CNTNAP2: variants seen among roughly 807,000 people sequenced by gnomAD.
CNTNAP2 encodes contactin associated protein 2, also known as contactin-associated protein-like 2.
CNTNAP2 carries 98 observed loss-of-function variants against 155.2 expected under a neutral mutation model. The observed-to-expected ratio is 0.63, with a 90% confidence interval of 0.54 to 0.75. The LOEUF is 0.75. Ranked by LOEUF, CNTNAP2 falls within the 30% of genes least tolerant of loss-of-function variation. The pLI, the probability that CNTNAP2 is intolerant of heterozygous loss-of-function variation, is 0.00. For synonymous variants in CNTNAP2, 651 were observed against 631.2 expected (o/e 1.03, Z -0.47); for missense variants, 1,727 against 1,688.1 (o/e 1.02, Z -0.40).
chr7:147,885,129 A>G (rs1367952858), intron 13 of CNTNAP2, among the ~76,000 whole-genome samples: 1 of 152,242 alleles, frequency 6.6e-6, no homozygotes, highest in Non-Finnish European at 1.5e-5. Flanking sequence ...TTACTTTTGC[A>G]CTGACCTAAT....
intron 22 of CNTNAP2, among the ~76,000 whole-genome samples, chr7:148,404,758 AG>A (rs1799659850): frequency 6.6e-6 from 1 of 152,116 alleles, no homozygotes; most frequent in Non-Finnish European, 1.5e-5. Context: ...CAGGTCACAC[AG>A]TTTTATTGAG....
At chr7:148,407,252 T>G (rs1304874284) in intron 22 of CNTNAP2, among the ~76,000 whole-genome samples, 1 of 152,252 alleles carries the variant, frequency 6.6e-6, no homozygotes, top group Non-Finnish European at 1.5e-5. Flanking sequence ...ATCTTTGCAT[T>G]CTTGGGCTGA....
At chr7:146,959,309 T>C (rs1006693630) in intron 3 of CNTNAP2, among the ~76,000 whole-genome samples, 1 of 152,166 alleles carries the variant, frequency 6.6e-6, no homozygotes, top group Middle Eastern at 3.2e-3. Context: ...CCTAGGATCA[T>C]GACTTTTATA....
intron 2 of CNTNAP2, among the ~76,000 whole-genome samples, chr7:146,805,992 C>T (rs1802960536): frequency 6.6e-6 from 1 of 152,024 alleles, no homozygotes. Flanking sequence ...ATTGTCGACA[C>T]AAGATAGGTC....
chr7:148,304,568 A>G (rs1452397892), intron 21 of CNTNAP2, among the ~76,000 whole-genome samples: 1 of 152,176 alleles, frequency 6.6e-6, no homozygotes, highest in Non-Finnish European at 1.5e-5. Context: ...GCAGTTACTC[A>G]CCTCTGCTGT....
intron 1 of CNTNAP2, among the ~76,000 whole-genome samples, chr7:146,636,157 G>A (rs1381449354): frequency 1.3e-5 from 2 of 151,642 alleles, no homozygotes; most frequent in African/African-American, 4.9e-5. Flanking sequence ...GGGGAGAGGT[G>A]GACTACAGCG....
At position 148,418,087 on chromosome 7, in the gene CNTNAP2, G is replaced by A. The variant is rs1250343318; in HGVS notation, c.*2471G>A. 1 of 152,164 alleles carries A rather than the reference G, an allele frequency of 6.6e-6. No homozygotes were observed. The allele number at this position is 152,164 out of a possible 1,614,324, so 9.4% of individuals were successfully genotyped here. The stretch of plus-strand genomic sequence containing the variant: ...GACAGGAAACCAAACGGTGGATAAA[G>A]TATTAAGTAACTAAGTGCCAAATAA... On this transcript the variant is annotated 3_prime_UTR_variant, in exon 24 of 24. Transcript: ENST00000361727.
intron 16 of CNTNAP2, among the ~76,000 whole-genome samples, chr7:148,131,003 G>T (rs1197482528): frequency 6.6e-6 from 1 of 150,718 alleles, no homozygotes; most frequent in Non-Finnish European, 1.5e-5. Flanking sequence ...AAGACATACT[G>T]AAGTTTCATT....
chr7:148,392,911 CT>C (rs1252082641), intron 22 of CNTNAP2, among the ~76,000 whole-genome samples: 7 of 2,522 alleles, frequency 2.8e-3, no homozygotes, highest in African/African-American at 3.1e-3. Flanking sequence ...CAGCACTGAG[CT>C]AGGAACTCAC....
Position 147,236,803 on chromosome 7 carries a change from C to T in CNTNAP2, c.1349-63338C>T, listed in dbSNP as rs1437616714. ...ATCTCCCACATCCAATTACTCAATTCATCCAACTCCACTTCCTAAAATCCT... is the reference window on the plus strand; with the variant it reads ...ATCTCCCACATCCAATTACTCAATTTATCCAACTCCACTTCCTAAAATCCT... On this transcript the variant is annotated intron_variant, in intron 8 of 23. Coordinates refer to ENST00000361727, the MANE Select transcript of CNTNAP2 (RefSeq NM_014141.6). Among the ~76,000 whole-genome samples, 8 of 152,006 alleles carry T rather than the reference C, an allele frequency of 5.3e-5. No homozygotes were observed. The East Asian group carries it at 1.5e-3, about 29-fold the overall frequency.
At chr7:147,494,255 CA>C (rs1798656322) in intron 11 of CNTNAP2, among the ~76,000 whole-genome samples, 1 of 152,026 alleles carries the variant, frequency 6.6e-6, no homozygotes, top group Non-Finnish European at 1.5e-5. Context: ...TGGCCACAAC[CA>C]AATAAATTAC....
chr7:148,308,883 A>G (rs868430032), intron 21 of CNTNAP2, among the ~76,000 whole-genome samples: 2 of 152,222 alleles, frequency 1.3e-5, no homozygotes, highest in Non-Finnish European at 1.5e-5. Context: ...AGCTTCATCC[A>G]AGTCCCTGCA....
At chr7:147,477,901 A>G (rs746627725) in intron 10 of CNTNAP2, among the ~76,000 whole-genome samples, 1 of 152,216 alleles carries the variant, frequency 6.6e-6, no homozygotes, top group African/African-American at 2.4e-5. Context: ...ATTCTCCAAG[A>G]AAATCCCTAA....
chr7:146,308,985 T>C (rs184249042), intron 1 of CNTNAP2, among the ~76,000 whole-genome samples: 310 of 152,040 alleles, frequency 2.0e-3, no homozygotes, highest in Middle Eastern at 3.4e-3. Flanking sequence ...ATAATAATAA[T>C]AAAGAAAGAA....
At chr7:148,286,562 TACTC>T (rs376292959) in intron 21 of CNTNAP2, among the ~76,000 whole-genome samples, 5 of 152,130 alleles carry the variant, frequency 3.3e-5, no homozygotes, top group African/African-American at 1.2e-4. Context: ...TAGATTTTCT[TACTC>T]TAAGTTATAG....
intron 13 of CNTNAP2, among the ~76,000 whole-genome samples, chr7:147,756,546 G>A (rs1455058626): frequency 6.6e-6 from 1 of 151,994 alleles, no homozygotes; most frequent in Non-Finnish European, 1.5e-5. Context: ...GTTAATCATG[G>A]TCTAAGGACA....
chr7:147,517,894 C>T (rs1030865675), intron 11 of CNTNAP2, among the ~76,000 whole-genome samples: 7 of 152,266 alleles, frequency 4.6e-5, no homozygotes, highest in East Asian at 1.9e-4. Flanking sequence ...CCATCCATTG[C>T]GTCACCATCT....
At chr7:146,703,266 T>G (rs1392045233) in intron 1 of CNTNAP2, among the ~76,000 whole-genome samples, 1 of 152,148 alleles carries the variant, frequency 6.6e-6, no homozygotes, top group Admixed American at 6.6e-5. Flanking sequence ...ATAGCTACAA[T>G]AGCCATTTCT....
At chr7:147,343,686 C>T (rs12703906) in intron 9 of CNTNAP2, among the ~76,000 whole-genome samples, 59,393 of 151,892 alleles carry the variant, frequency 0.39, 11,913 homozygotes, top group South Asian at 0.49. Context: ...AATGATAATA[C>T]TGATCTTGGA....
Sources: allele counts gnomAD v4.1 joint callset (sites outside exome capture counted in the v4.1 genomes callset), GRCh38; gene constraint gnomAD v4.1.1; transcripts MANE v1.5; gene names NCBI Gene and HGNC (gene_info 2026-07-23, HGNC 2026-07-21).